The following PID1 variants were observed in gnomAD, a reference collection of about 807,000 sequenced individuals.
The protein encoded by PID1 is PTB-containing, cubilin and LRP1-interacting protein.
Under a neutral mutation model 19.1 loss-of-function variants are expected in PID1, and 10 were observed. The ratio of observed to expected loss-of-function variants is 0.52; its 90% confidence interval spans 0.32 to 0.89. The LOEUF is 0.89. PID1 is among the 40% of genes least tolerant of loss of function. The probability of loss-of-function intolerance (pLI) is 0.03; values close to 1 mark genes in which losing one functional copy is unlikely to be tolerated. For missense variants in PID1, 248 were observed against 285.3 expected (o/e 0.87, Z 0.94); for synonymous variants, 130 against 116.0 (o/e 1.12, Z -0.78).
chr2:229,064,473 T>C (rs1421936206), intron 2 of PID1, among the ~76,000 whole-genome samples: 1 of 152,130 alleles, frequency 6.6e-6, no homozygotes, highest in African/African-American at 2.4e-5. Context: ...CACAGGGAAA[T>C]GGTCTGAGCT....
intron 1 of PID1, among the ~76,000 whole-genome samples, chr2:229,185,006 A>T (rs1262621744): frequency 2.8e-5 from 4 of 142,748 alleles, no homozygotes; most frequent in African/African-American, 1.0e-4. Context: ...ATATATATAC[A>T]CTATATATAC....
At chr2:229,094,884 A>G (rs1694944395) in intron 2 of PID1, among the ~76,000 whole-genome samples, 1 of 152,186 alleles carries the variant, frequency 6.6e-6, no homozygotes, top group Non-Finnish European at 1.5e-5. Flanking sequence ...AAAAGAAAAA[A>G]ACAAGTACTA....
At chr2:229,230,293 A>G (rs10933283) in intron 1 of PID1, among the ~76,000 whole-genome samples, 70,173 of 152,056 alleles carry the variant, frequency 0.46, 17,090 homozygotes, top group East Asian at 0.76. Flanking sequence ...AAAGAAAGAA[A>G]CGAGAGAGAA....
At chr2:229,129,139 A>C (rs1477843703) in intron 2 of PID1, among the ~76,000 whole-genome samples, 1 of 152,204 alleles carries the variant, frequency 6.6e-6, no homozygotes, top group African/African-American at 2.4e-5. Flanking sequence ...TGAATACAGA[A>C]TCAGGACTTG....
chr2:229,262,713 A>G, intron 1 of PID1: 3 of 1,551,558 alleles, frequency 1.9e-6, no homozygotes, highest in Non-Finnish European at 2.6e-6. Flanking sequence ...CAAAATGTAA[A>G]GGTTGGCAGG....
chr2:229,210,842 G>A (rs1443499023), intron 1 of PID1, among the ~76,000 whole-genome samples: 1 of 152,062 alleles, frequency 6.6e-6, no homozygotes, highest in African/African-American at 2.4e-5. Flanking sequence ...AAAAGCTTAG[G>A]GAAAGCTTGG....
intron 1 of PID1, among the ~76,000 whole-genome samples, chr2:229,172,034 T>C (rs1461672750): frequency 4.6e-5 from 7 of 152,088 alleles, no homozygotes; most frequent in African/African-American, 1.7e-4. Flanking sequence ...GTGCCTGCAG[T>C]ATCATAGGGA....
At chr2:229,214,853 T>TACACAC (rs201212588) in intron 1 of PID1, among the ~76,000 whole-genome samples, 3 of 148,872 alleles carry the variant, frequency 2.0e-5, no homozygotes, top group Admixed American at 1.3e-4. Context: ...TTTATATAGA[T>TACACAC]ACACACACAC....
At chr2:229,077,936 C>G (rs889899204) in intron 2 of PID1, among the ~76,000 whole-genome samples, 1 of 152,198 alleles carries the variant, frequency 6.6e-6, no homozygotes, top group Non-Finnish European at 1.5e-5. Context: ...TCAATGGTAG[C>G]TTGATGGGAA....
chr2:229,236,987 TAC>T (rs201772514), intron 1 of PID1, among the ~76,000 whole-genome samples: 4,113 of 107,820 alleles, frequency 0.038, 67 homozygotes, highest in South Asian at 0.059. Flanking sequence ...TACACACACA[TAC>T]ACACACACAC....
chr2:229,076,390 T>G (rs1178267303), intron 2 of PID1, among the ~76,000 whole-genome samples: 1 of 152,130 alleles, frequency 6.6e-6, no homozygotes, highest in Admixed American at 6.6e-5. Flanking sequence ...TTTTGTTTTT[T>G]TTTTACTTTT....
At chr2:229,162,508 T>C (rs1324502042) in intron 1 of PID1, among the ~76,000 whole-genome samples, 3 of 152,228 alleles carry the variant, frequency 2.0e-5, no homozygotes, top group Admixed American at 1.3e-4. Context: ...AGACAGACTA[T>C]AATGGTCAGT....
chr2:229,120,689 C>T (rs1202712132), intron 2 of PID1, among the ~76,000 whole-genome samples: 1 of 151,694 alleles, frequency 6.6e-6, no homozygotes, highest in African/African-American at 2.4e-5. Context: ...GTTTGGATAT[C>T]ATTTGTCCCC....
chr2:229,034,097 G>GT (rs1693610694), intron 2 of PID1, among the ~76,000 whole-genome samples: 1 of 152,108 alleles, frequency 6.6e-6, no homozygotes, highest in Admixed American at 6.6e-5. Context: ...CCATGAACCT[G>GT]TATTACAAGC....
At chr2:229,255,955 T>C (rs1277457920) in intron 1 of PID1, among the ~76,000 whole-genome samples, 1 of 152,228 alleles carries the variant, frequency 6.6e-6, no homozygotes, top group African/African-American at 2.4e-5. Context: ...GCGAGAGCTG[T>C]ACTTGGAGAG....
intron 2 of PID1, among the ~76,000 whole-genome samples, chr2:229,027,293 C>T (rs1431776430): frequency 6.6e-6 from 1 of 152,172 alleles, no homozygotes; most frequent in African/African-American, 2.4e-5. Context: ...AAGTGTGATA[C>T]ATTCCAGAAG....
At chr2:229,155,067 A>C (rs1690337603) in intron 2 of PID1, among the ~76,000 whole-genome samples, 2 of 152,334 alleles carry the variant, frequency 1.3e-5, no homozygotes, top group East Asian at 3.9e-4. Flanking sequence ...AAAACTGCAA[A>C]ATTATCCCTA....
intron 1 of PID1, among the ~76,000 whole-genome samples, chr2:229,175,157 G>T (rs1690795108): frequency 6.6e-6 from 1 of 152,160 alleles, no homozygotes; most frequent in Non-Finnish European, 1.5e-5. Flanking sequence ...CAGAAAAAAA[G>T]TTCTTGTTTT....
intron 1 of PID1, among the ~76,000 whole-genome samples, chr2:229,236,921 A>T (rs1689710447): frequency 6.6e-6 from 1 of 151,508 alleles, no homozygotes; most frequent in Non-Finnish European, 1.5e-5. Flanking sequence ...TAGCTATTTC[A>T]TACTACAACA....
Sources: allele counts gnomAD v4.1 joint callset (sites outside exome capture counted in the v4.1 genomes callset), GRCh38; gene constraint gnomAD v4.1.1; transcripts MANE v1.5; gene names NCBI Gene and HGNC (gene_info 2026-07-23, HGNC 2026-07-21).